The following SAMD11 variants were observed in gnomAD, a reference collection of about 807,000 sequenced individuals.
SAMD11 encodes sterile alpha motif domain-containing protein 11.
SAMD11 carries 77 observed loss-of-function variants against 64.4 expected under a neutral mutation model. The observed-to-expected ratio is 1.20, with a 90% CI of 0.99 to 1.44. The LOEUF is 1.44. Among genes scored for constraint, SAMD11 ranks in the 40% most tolerant of loss-of-function variants. SAMD11 has a pLI of 0.00. For synonymous variants in SAMD11, 658 were observed against 421.9 expected, an observed-to-expected ratio of 1.56 and a Z score of -6.86; for missense variants, 1,402 against 943.3, an observed-to-expected ratio of 1.49 and a Z score of -6.37.
chr1:944,124 GC>G lies in SAMD11; in HGVS notation c.2511del (p.Asp838ThrfsTer47). The G allele has an allele frequency of 1.9e-6, 3 of 1,592,886 alleles. No individual in the cohort carries two copies. Among genetic ancestry groups the G allele is most frequent in the South Asian group, 2.3e-5 (2 of 88,782 alleles). On this transcript the variant is annotated frameshift_variant, in exon 14 of 14. Transcript: ENST00000616016. LOFTEE classifies it high-confidence loss of function. ...TGGGACCTTGGCTCTACTTCCAGGG[GC>G]CCCCGACCCTTCCCAGCCTCTGTGT... Reference protein sequence around the residue: ...ENGTLALLPGAPDPSQPLC With the variant: ...ENGTLALLPGXPDPSQPLC
intron 8 of SAMD11, 78 bp downstream of exon 8, chr1:941,384 C>T: frequency 7.4e-7 from 1 of 1,355,208 alleles, no homozygotes; most frequent in Non-Finnish European, 9.8e-7. Flanking sequence ...CCAGCACGCG[C>T]CCCGAGAGTG....
intron 7 of SAMD11, 172 bp downstream of exon 7, chr1:939,584 G>A (rs1021907520): frequency 1.5e-4 from 71 of 470,742 alleles, no homozygotes; most frequent in Non-Finnish European, 2.1e-4. Context: ...TCTGCCACAC[G>A]TCCTGCCCCA....
intron 4 of SAMD11, among the ~76,000 whole-genome samples, chr1:933,713 C>T (rs567503571): frequency 1.3e-5 from 2 of 151,040 alleles, no homozygotes; most frequent in African/African-American, 4.8e-5. Context: ...AAAGTACTTA[C>T]TCCCACCCAG....
Position 942,658 on chromosome 1 carries a change from CGAGGAGCTGCAGCGGCGCG to C in SAMD11, c.1655_1673del (p.Glu552GlyfsTer6). ...CCGCCCTGCGCCCCAACGACGGCGC[CGAGGAGCTGCAGCGGCGCG>C]GGGCCCTGCTGGTGCTGAACCACGG... On this transcript the variant is annotated frameshift_variant, in exon 11 of 14. Coordinates refer to ENST00000616016, the MANE Select transcript of SAMD11 (RefSeq NM_001385641.1). LOFTEE classifies it high-confidence loss of function. 7.0e-7 allele frequency: 1 copy of C among 1,433,940 alleles called. No individual in the cohort carries two copies. Among genetic ancestry groups the C allele is most frequent in the African/African-American group, 1.5e-5 (1 of 66,858 alleles). 88.8% of individuals were successfully genotyped at this position (1,433,940 alleles called of 1,614,324 possible).
intron 8 of SAMD11, 96 bp downstream of exon 8, chr1:941,402 C>G: frequency 8.1e-7 from 1 of 1,232,328 alleles, no homozygotes; most frequent in African/African-American, 1.5e-5. Flanking sequence ...GTGCCAAGCA[C>G]TGTGTTCAGC....
intron 5 of SAMD11, among the ~76,000 whole-genome samples, chr1:936,511 G>A (rs1641459396): frequency 6.6e-6 from 1 of 152,156 alleles, no homozygotes; most frequent in Non-Finnish European, 1.5e-5. Flanking sequence ...AGGTGCTGCT[G>A]CCTGGTCACA....
chr1:937,611 C>T (rs969675622), intron 5 of SAMD11, among the ~76,000 whole-genome samples: 1 of 152,182 alleles, frequency 6.6e-6, no homozygotes, highest in Non-Finnish European at 1.5e-5. Flanking sequence ...CCCAGCCCAC[C>T]GAGCTCTGGC....
chr1:935,645 C>A, intron 4 of SAMD11, 127 bp from the exon 5 acceptor site: 1 of 1,299,178 alleles, frequency 7.7e-7, no homozygotes, highest in Non-Finnish European at 1.1e-6. Flanking sequence ...GAGGCGTGGG[C>A]ACAGCAACGT....
At chr1:940,791 G>GCC (rs1394536729) in intron 7 of SAMD11, among the ~76,000 whole-genome samples, 1 of 152,206 alleles carries the variant, frequency 6.6e-6, no homozygotes, top group African/African-American at 2.4e-5. Flanking sequence ...TGGGCGGTCA[G>GCC]CCCCTGGCTG....
intron 4 of SAMD11, among the ~76,000 whole-genome samples, chr1:933,691 G>A (rs115552829): frequency 0.018 from 2,813 of 152,186 alleles, 47 homozygotes; most frequent in African/African-American, 0.054. Context: ...TCTCGCTGCC[G>A]ATTAATCCCA....
intron 4 of SAMD11, among the ~76,000 whole-genome samples, chr1:931,342 G>A (rs1301437318): frequency 6.6e-6 from 1 of 152,206 alleles, no homozygotes; most frequent in East Asian, 1.9e-4. Context: ...CAGCTCAGGT[G>A]TGAGTTCTGG....
At chr1:935,625 G>T (rs1411282757) in intron 4 of SAMD11, 147 bp from the exon 5 acceptor site, 13 of 1,096,568 alleles carry the variant, frequency 1.2e-5, no homozygotes, top group Non-Finnish European at 1.6e-5. Flanking sequence ...GGCGTCACGG[G>T]CCACATGCCG....
rs1485596637 is a variant in SAMD11 at position 938,905 on chromosome 1, T to G, written c.968-135T>G. Reference sequence around the variant, plus strand: ...CGCTGAAGGCTGGGGCTGCCAGGGCTGGGCAAGGCCTGTACTCACCAGGAC... The same window carrying G: ...CGCTGAAGGCTGGGGCTGCCAGGGCGGGGCAAGGCCTGTACTCACCAGGAC... On this transcript the variant is annotated intron_variant, in intron 5 of 13. Transcript: ENST00000616016. 2.9e-5 allele frequency: 22 copies of G among 763,852 alleles called. 1 individual carries two copies. In the Admixed American group the frequency reaches 4.7e-4, roughly 16 times the overall value. 47.3% of individuals were successfully genotyped at this position (763,852 alleles called of 1,614,324 possible).
intron 2 of SAMD11, among the ~76,000 whole-genome samples, chr1:928,187 A>G (rs534064337): frequency 2.0e-5 from 3 of 152,114 alleles, no homozygotes; most frequent in East Asian, 1.9e-4. Flanking sequence ...AGGTCAGGAG[A>G]TCGAGACCAT....
intron 3 of SAMD11, among the ~76,000 whole-genome samples, 166 bp from the exon 4 acceptor site, chr1:930,873 A>G (rs530613943): frequency 3.7e-4 from 57 of 152,306 alleles, no homozygotes; most frequent in African/African-American, 7.2e-4. Flanking sequence ...CAGCATGTTG[A>G]GCCAGTAGCA....
At position 939,284 on chromosome 1, in the gene SAMD11, T is replaced by G. The variant is rs771994778; in HGVS notation, c.1067T>G (p.Leu356Arg). Residue 356 changes from leucine to arginine, a missense_variant, in exon 7 of 14, where the codon CTG (leucine) becomes CGG (arginine). Transcript: ENST00000616016. Reference protein sequence around the residue: ...ARSESPQEALLLPRELGPSMA... With the variant: ...ARSESPQEALRLPRELGPSMA... ...GGGTCCTCCCCAGCAGAGGCGCTGC[T>G]GCTGCCGCGGGAGCTGGGGCCCAGC... is the stretch of plus-strand genomic sequence containing the variant. The G allele has an allele frequency of 6.2e-7, 1 of 1,604,240 alleles. No individual in the cohort carries two copies. The highest frequency in any genetic ancestry group is 2.2e-5 in the East Asian group (1 of 44,494).
At chr1:938,866 C>T (rs1451976417) in intron 5 of SAMD11, among the ~76,000 whole-genome samples, 174 bp from the exon 6 acceptor site, 2 of 152,178 alleles carry the variant, frequency 1.3e-5, no homozygotes, top group Admixed American at 6.5e-5. Context: ...CACAGCCAGG[C>T]GTGATGTCCT....
intron 9 of SAMD11, 73 bp from the exon 10 acceptor site, chr1:942,337 G>GGT: frequency 8.9e-7 from 1 of 1,129,372 alleles, no homozygotes; most frequent in Non-Finnish European, 1.2e-6. Context: ...AGACGGACCG[G>GGT]GTAGGGGATT....
In SAMD11 at chr1:941,201, T is replaced by C; in HGVS notation, c.1253T>C (p.Leu418Pro). Reference sequence around the variant, plus strand: ...GCAGCTCTGAGGGGCCCCAGTGGCCTGGAAGCCCACCTGCCCTCCTCCACG... The same window carrying C: ...GCAGCTCTGAGGGGCCCCAGTGGCCCGGAAGCCCACCTGCCCTCCTCCACG... ...AAAALRGPSG[L>P]EAHLPSSTAG... is the part of the protein sequence containing the mutation. The change falls in exon 8 of 14, where the codon CTG becomes CCG. Residue 418 changes from leucine to proline, a missense_variant. Coordinates refer to ENST00000616016, the MANE Select transcript of SAMD11 (RefSeq NM_001385641.1). The C allele has an allele frequency of 1.2e-6, 2 of 1,601,590 alleles. No individual in the cohort carries two copies. Among genetic ancestry groups the C allele is most frequent in the Non-Finnish European group, 1.7e-6 (2 of 1,174,958 alleles).
Sources: allele counts gnomAD v4.1 joint callset (sites outside exome capture counted in the v4.1 genomes callset), GRCh38; gene constraint gnomAD v4.1.1; transcripts MANE v1.5; gene names NCBI Gene and HGNC (gene_info 2026-07-23, HGNC 2026-07-21).